DACH1: variants seen among roughly 807,000 people sequenced by gnomAD.
DACH1 encodes the protein dachshund family transcription factor 1, also known as dachshund homolog 1.
A neutral mutation model predicts 54.2 loss-of-function variants in DACH1; 12 were observed. That is an observed-to-expected ratio of 0.22 (90% CI 0.14 to 0.36). DACH1 has a LOEUF of 0.36. DACH1 is among the 10% of genes least tolerant of loss of function. The pLI, the probability that DACH1 is intolerant of heterozygous loss-of-function variation, is 1.00. For synonymous variants in DACH1, 386 were observed against 366.2 expected (o/e 1.05, Z -0.62); for missense variants, 805 against 929.8 (o/e 0.87, Z 1.75).
chr13:71,569,543 T>C (rs549433896), intron 4 of DACH1, among the ~76,000 whole-genome samples: 168 of 152,230 alleles, frequency 1.1e-3, no homozygotes, highest in African/African-American at 3.9e-3. Flanking sequence ...AGCAGCAGAA[T>C]AGATTTCACC....
At chr13:71,526,696 ATG>A (rs200000697) in intron 6 of DACH1, among the ~76,000 whole-genome samples, 1 of 146,762 alleles carries the variant, frequency 6.8e-6, no homozygotes, top group Non-Finnish European at 1.5e-5. Context: ...ATACATACAT[ATG>A]TGTGTGTGTA....
intron 6 of DACH1, among the ~76,000 whole-genome samples, chr13:71,541,134 T>C (rs1883102866): frequency 1.3e-5 from 2 of 151,968 alleles, no homozygotes; most frequent in South Asian, 4.2e-4. Context: ...ATGCTATTCC[T>C]TATGGATAAT....
intron 6 of DACH1, among the ~76,000 whole-genome samples, chr13:71,555,350 CTT>C (rs1344855796): frequency 1.4e-5 from 2 of 145,656 alleles, no homozygotes. Context: ...CTTATCTTTT[CTT>C]TTTTTTTTTG....
chr13:71,441,925 G>A (rs9318024), intron 10 of DACH1, among the ~76,000 whole-genome samples: 12,332 of 151,680 alleles, frequency 0.081, 539 homozygotes, highest in Middle Eastern at 0.15. Context: ...TAAATATTAG[G>A]TGCATATATT....
intron 3 of DACH1, among the ~76,000 whole-genome samples, chr13:71,616,153 T>A (rs1875746452): frequency 6.6e-6 from 1 of 152,176 alleles, no homozygotes; most frequent in Admixed American, 6.6e-5. Context: ...ATTCTGTTGT[T>A]TCCCAATTTT....
intron 1 of DACH1, among the ~76,000 whole-genome samples, chr13:71,713,591 G>C (rs935529602): frequency 6.6e-6 from 1 of 151,996 alleles, no homozygotes; most frequent in Non-Finnish European, 1.5e-5. Context: ...TGTCTTAAAA[G>C]GTAACACTGT....
At chr13:71,715,929 T>C (rs2138789701) in intron 1 of DACH1, among the ~76,000 whole-genome samples, 1 of 152,184 alleles carries the variant, frequency 6.6e-6, no homozygotes, top group Admixed American at 6.5e-5. Flanking sequence ...CCTTTTTCTC[T>C]TGAGTTTGAA....
intron 2 of DACH1, among the ~76,000 whole-genome samples, chr13:71,632,914 T>C (rs1206141725): frequency 6.6e-6 from 1 of 152,192 alleles, no homozygotes; most frequent in Non-Finnish European, 1.5e-5. Flanking sequence ...CCTTCAAAGA[T>C]GTTTCAGAAA....
intron 2 of DACH1, among the ~76,000 whole-genome samples, chr13:71,680,009 A>G (rs1015227370): frequency 2.6e-5 from 4 of 151,762 alleles, no homozygotes; most frequent in African/African-American, 4.8e-5. Flanking sequence ...AGATTTTCCT[A>G]TGTAATTCCC....
rs1877020856 is a variant in DACH1, at chr13:71,630,597, T to A, written c.1085A>T (p.His362Leu). Residue 362 changes from histidine (H) to leucine (L), a missense_variant, in exon 3 of 11, where the codon CAT becomes CTT. His to Leu is a moderately conservative substitution (Grantham distance 99). Around this residue, in one of 3 missense-constraint regions of DACH1, gnomAD observed 472 missense variants for 545.3 expected, o/e 0.87. Transcript: ENST00000613252. ...GTCCCCGTTTTCAGAGTCTGCTCCA[T>A]GTTGGTTATTACTGGCATGATAGTT... is the stretch of plus-strand genomic sequence containing the variant. Reference protein sequence around the residue: ...MSNYHASNNQHGADSENGDMN... With the variant: ...MSNYHASNNQLGADSENGDMN... 1 of 1,606,786 alleles carries A rather than the reference T, an allele frequency of 6.2e-7. No homozygotes were observed. The highest frequency in any genetic ancestry group is 1.1e-5 in the South Asian group (1 of 89,344).
rs1310889594 is a variant in DACH1, at chr13:71,674,509, G to A, written c.964+7286C>T. ...CGAAGGCGACATTACCACAGAGTCA[G>A]AAATTGGAGCCAGGCAGCCACAAAA... is the stretch of plus-strand genomic sequence containing the variant. On this transcript the variant is annotated intron_variant, in intron 2 of 10. Transcript: ENST00000613252. Among the ~76,000 whole-genome samples the A allele has an allele frequency of 2.0e-5, 3 of 150,954 alleles. No individual in the cohort carries two copies. In the East Asian group the frequency reaches 5.9e-4, roughly 30 times the overall value.
intron 1 of DACH1, among the ~76,000 whole-genome samples, chr13:71,812,719 C>G (rs1381805022): frequency 2.0e-5 from 3 of 152,082 alleles, no homozygotes; most frequent in African/African-American, 7.2e-5. Context: ...TATTATTTAA[C>G]TTGAGATTCC....
intron 2 of DACH1, among the ~76,000 whole-genome samples, chr13:71,638,118 G>C (rs887256983): frequency 6.6e-6 from 1 of 152,120 alleles, no homozygotes; most frequent in Non-Finnish European, 1.5e-5. Flanking sequence ...GTTTGTGTTA[G>C]TTTGCTTACA....
At chr13:71,522,680 A>AT (rs1340791512) in intron 6 of DACH1, among the ~76,000 whole-genome samples, 1 of 152,018 alleles carries the variant, frequency 6.6e-6, no homozygotes, top group Non-Finnish European at 1.5e-5. Context: ...TAATAACTAT[A>AT]TTTTTATTAT....
intron 3 of DACH1, among the ~76,000 whole-genome samples, chr13:71,583,716 C>A (rs1297423715): frequency 6.6e-6 from 1 of 152,072 alleles, no homozygotes; most frequent in Non-Finnish European, 1.5e-5. Context: ...TGGTATACAT[C>A]TGTAGTCCCA....
chr13:71,526,470 T>A (rs1331070588), intron 6 of DACH1, among the ~76,000 whole-genome samples: 1 of 152,056 alleles, frequency 6.6e-6, no homozygotes, highest in Non-Finnish European at 1.5e-5. Context: ...AGAGCACACA[T>A]ACTGACTACA....
At chr13:71,679,040 T>C (rs1594088415) in intron 2 of DACH1, among the ~76,000 whole-genome samples, 1 of 152,138 alleles carries the variant, frequency 6.6e-6, no homozygotes, top group South Asian at 2.1e-4. Context: ...CTGTTTAAGG[T>C]CTTTTTTCGA....
intron 4 of DACH1, among the ~76,000 whole-genome samples, chr13:71,561,281 G>C (rs947758650): frequency 1.3e-5 from 2 of 152,150 alleles, no homozygotes; most frequent in African/African-American, 2.4e-5. Flanking sequence ...TCCCCAAAAA[G>C]ATCTGTTGAA....
intron 5 of DACH1, among the ~76,000 whole-genome samples, chr13:71,558,858 C>T (rs953721735): frequency 6.6e-6 from 1 of 152,006 alleles, no homozygotes; most frequent in Non-Finnish European, 1.5e-5. Flanking sequence ...ACAATTTTCA[C>T]TTTATGCATA....
Sources: allele counts gnomAD v4.1 joint callset (sites outside exome capture counted in the v4.1 genomes callset), GRCh38; gene constraint gnomAD v4.1.1; regional missense constraint gnomAD v4.1.1; transcripts MANE v1.5; gene names NCBI Gene and HGNC (gene_info 2026-07-23, HGNC 2026-07-21).